SRD5A1: variants seen among roughly 807,000 people sequenced by gnomAD.
The protein encoded by SRD5A1 is 3-oxo-5-alpha-steroid 4-dehydrogenase 1.
A neutral mutation model predicts 28.2 loss-of-function variants in SRD5A1; 22 were observed. The ratio of observed to expected loss-of-function variants is 0.78; its 90% CI spans 0.56 to 1.12. The LOEUF (loss-of-function observed/expected upper bound fraction) is 1.12. Ranked by LOEUF, SRD5A1 falls within the 50% of genes most tolerant of loss-of-function variation. The pLI is 0.00. For synonymous variants in SRD5A1, 151 were observed against 135.0 expected, an observed-to-expected ratio of 1.12 and a Z score of -0.82; for missense variants, 300 against 346.7, an observed-to-expected ratio of 0.87 and a Z score of 1.07.
At chr5:6,651,028 T>C (rs540356720) in intron 1 of SRD5A1, among the ~76,000 whole-genome samples, 48 of 152,236 alleles carry the variant, frequency 3.2e-4, no homozygotes, top group African/African-American at 1.1e-3. Context: ...GTCTTAATTT[T>C]ATCCTCTATC....
At chr5:6,651,478 GA>G (rs1222865114) in intron 1 of SRD5A1, among the ~76,000 whole-genome samples, 1 of 152,110 alleles carries the variant, frequency 6.6e-6, no homozygotes, top group Non-Finnish European at 1.5e-5. Context: ...GCAACAGATT[GA>G]GACTTGGTCT....
Position 6,651,861 on chromosome 5 carries a change from C to T in SRD5A1, c.313C>T (p.Leu105=), listed in dbSNP as rs756541612. ...YGHRCLIYPF[L]MRGGKPMPLL... Reference sequence around the variant, plus strand: ...CCTAAGGTGCTTAATTTACCCATTTCTGATGCGAGGAGGAAAGCCTATGCC... The same window carrying T: ...CCTAAGGTGCTTAATTTACCCATTTTTGATGCGAGGAGGAAAGCCTATGCC... The change falls in exon 2 of 5, where the codon CTG becomes TTG. Residue 105 remains leucine, a synonymous_variant. Transcript: ENST00000274192. 1 of 1,610,720 alleles carries T rather than the reference C, an allele frequency of 6.2e-7. No individual in the cohort carries two copies. Among genetic ancestry groups the T allele is most frequent in the Non-Finnish European group, 8.5e-7 (1 of 1,178,268 alleles).
intron 4 of SRD5A1, among the ~76,000 whole-genome samples, chr5:6,664,911 G>T (rs1005672859): frequency 3.3e-5 from 5 of 152,252 alleles, no homozygotes; most frequent in Admixed American, 2.0e-4. Context: ...TTGAGTGAGT[G>T]CCGAAGGCAG....
chr5:6,660,490 G>C (rs1738968936), intron 3 of SRD5A1, among the ~76,000 whole-genome samples: 2 of 152,232 alleles, frequency 1.3e-5, no homozygotes, highest in African/African-American at 4.8e-5. Flanking sequence ...ATGAAATACA[G>C]ATCATGATTA....
At chr5:6,650,046 G>A (rs1263136209) in intron 1 of SRD5A1, among the ~76,000 whole-genome samples, 1 of 152,090 alleles carries the variant, frequency 6.6e-6, no homozygotes, top group Non-Finnish European at 1.5e-5. Flanking sequence ...TGGTAACAGT[G>A]CTATTCATGT....
intron 1 of SRD5A1, among the ~76,000 whole-genome samples, chr5:6,642,384 A>G (rs1407179474): frequency 6.6e-6 from 1 of 152,208 alleles, no homozygotes; most frequent in Non-Finnish European, 1.5e-5. Flanking sequence ...ATGGTATTAC[A>G]TTACAGATTC....
At chr5:6,647,078 G>A in intron 1 of SRD5A1, among the ~76,000 whole-genome samples, 1 of 152,204 alleles carries the variant, frequency 6.6e-6, no homozygotes, top group East Asian at 1.9e-4. Flanking sequence ...CCATGTAGTT[G>A]TGTGGTTTTG....
rs116254649 is a variant in SRD5A1 at position 6,648,928 on chromosome 5, C to T, written c.294-2914C>T. Among the ~76,000 whole-genome samples the T allele has an allele frequency of 6.5e-3, 994 of 151,764 alleles. 6 individuals carry two copies. The highest frequency in any genetic ancestry group is 0.011 in the Non-Finnish European group (732 of 67,742). On this transcript the variant is annotated intron_variant, in intron 1 of 4. Transcript: ENST00000274192. Reference sequence around the variant, plus strand: ...ATCTGCCTTTGGTCTTTGATGTTGGCGATATCGATACTATTTTTTTTCGGT... The same window carrying T: ...ATCTGCCTTTGGTCTTTGATGTTGGTGATATCGATACTATTTTTTTTCGGT...
In SRD5A1 at chr5:6,668,590, T is replaced by A. The variant is rs1739262698; in HGVS notation, c.*322T>A. On this transcript the variant is annotated 3_prime_UTR_variant, in exon 5 of 5. Transcript: ENST00000274192. ...TATGAGACTAGACTTTACAACTGTC[T>A]TTGATGGCATTTTCAGAACAATAAA... The A allele has an allele frequency of 5.1e-6, 1 of 197,848 alleles. No homozygotes were observed. Among genetic ancestry groups the A allele is most frequent in the South Asian group, 1.2e-4 (1 of 8,120 alleles). The allele number at this position is 197,848 out of a possible 1,614,324, so 12.3% of individuals were successfully genotyped here.
intron 3 of SRD5A1, among the ~76,000 whole-genome samples, chr5:6,656,915 A>T (rs983248020): frequency 5.9e-5 from 9 of 152,218 alleles, no homozygotes; most frequent in African/African-American, 2.2e-4. Flanking sequence ...AGCGTAATTC[A>T]ACATGAAAGA....
chr5:6,673,848 A>G lies in SRD5A1; in HGVS notation c.*5580A>G, dbSNP rs1210820601. The G allele has an allele frequency of 2.6e-5, 4 of 152,240 alleles. No homozygotes were observed. The highest frequency in any genetic ancestry group is 9.6e-5 in the African/African-American group (4 of 41,466). The allele number at this position is 152,240 out of a possible 1,614,324, so 9.4% of individuals were successfully genotyped here. On this transcript the variant is annotated 3_prime_UTR_variant, in exon 5 of 5. Coordinates refer to ENST00000274192, the MANE Select transcript of SRD5A1 (RefSeq NM_001047.4). Reference sequence around the variant, plus strand: ...ACTTTAATGCATATTGGTAAGTGAAAAAAGCCAGTTTGCAAAGGCTAGATA... The same window carrying G: ...ACTTTAATGCATATTGGTAAGTGAAGAAAGCCAGTTTGCAAAGGCTAGATA...
chr5:6,665,593 C>T (rs546692568), intron 4 of SRD5A1, among the ~76,000 whole-genome samples: 33 of 152,258 alleles, frequency 2.2e-4, no homozygotes, highest in African/African-American at 6.7e-4. Flanking sequence ...CCTCACTTCC[C>T]GGTGAAGATG....
intron 1 of SRD5A1, among the ~76,000 whole-genome samples, chr5:6,639,746 G>C (rs944967597): frequency 4.7e-4 from 72 of 152,246 alleles, no homozygotes; most frequent in African/African-American, 1.7e-3. Context: ...CTGAATGTTA[G>C]GTGCCAGGAC....
intron 1 of SRD5A1, among the ~76,000 whole-genome samples, chr5:6,650,564 T>C (rs1223527669): frequency 6.6e-6 from 1 of 152,184 alleles, no homozygotes; most frequent in Non-Finnish European, 1.5e-5. Context: ...TCTAATTTCT[T>C]GTCCTTTTAT....
At position 6,646,456 on chromosome 5, in the gene SRD5A1, G is replaced by A. The variant is rs191795760; in HGVS notation, c.294-5386G>A. 2.6e-4 allele frequency among the ~76,000 whole-genome samples: 40 copies of A among 152,310 alleles called. No homozygotes were observed. In the East Asian group the frequency reaches 7.3e-3, roughly 28 times the overall value. ...AATTACTGCCTCAATTTCAGAATTT[G>A]TTATTGGTGTATTCAGGGATTCGAC... On this transcript the variant is annotated intron_variant, in intron 1 of 4. Coordinates refer to ENST00000274192, the MANE Select transcript of SRD5A1 (RefSeq NM_001047.4).
chr5:6,661,230 C>T (rs1291053357), intron 3 of SRD5A1, among the ~76,000 whole-genome samples: 1 of 152,084 alleles, frequency 6.6e-6, no homozygotes, highest in East Asian at 1.9e-4. Context: ...AAACCATTTT[C>T]TTTCTTTTTA....
At chr5:6,659,847 T>C (rs1348558361) in intron 3 of SRD5A1, among the ~76,000 whole-genome samples, 3 of 152,152 alleles carry the variant, frequency 2.0e-5, no homozygotes, top group African/African-American at 7.2e-5. Context: ...CTGAGTGCTG[T>C]GCCCCATGAA....
intron 1 of SRD5A1, among the ~76,000 whole-genome samples, chr5:6,642,116 GAGA>G (rs745998615): frequency 6.6e-5 from 10 of 152,180 alleles, no homozygotes; most frequent in Non-Finnish European, 2.9e-5. Flanking sequence ...TATGTCTAAT[GAGA>G]AGAATAGAAT....
chr5:6,657,290 A>C (rs1298900625), intron 3 of SRD5A1, among the ~76,000 whole-genome samples: 1 of 152,240 alleles, frequency 6.6e-6, no homozygotes, highest in Non-Finnish European at 1.5e-5. Context: ...AAAACATGAC[A>C]GAGTCCTAGA....
Sources: gnomAD v4.1 joint callset for allele counts (sites outside exome capture counted in the v4.1 genomes callset) on GRCh38, gnomAD v4.1.1 for gene constraint, MANE v1.5 for transcripts, NCBI Gene and HGNC (gene_info 2026-07-23, HGNC 2026-07-21) for gene names.